PCDHA3: variants seen among roughly 807,000 people sequenced by gnomAD.
PCDHA3 encodes protocadherin alpha-3.
PCDHA3 carries 41 observed loss-of-function variants against 62.2 expected under a neutral mutation model. That is an observed-to-expected ratio of 0.66 (90% CI 0.51 to 0.86). The LOEUF (loss-of-function observed/expected upper bound fraction) is 0.86, where lower values mean the gene tolerates loss of function less well. Among genes scored for constraint, PCDHA3 ranks in the 40% least tolerant of loss-of-function variants. The pLI is 0.00. For missense variants in PCDHA3, 1,304 were observed against 1,241.2 expected (o/e 1.05, Z -0.76); for synonymous variants, 640 against 555.4 (o/e 1.15, Z -2.14).
chr5:140,948,670 A>G (rs951520840), intron 1 of PCDHA3, among the ~76,000 whole-genome samples: 1 of 151,654 alleles, frequency 6.6e-6, no homozygotes. Context: ...TAGTGATAAC[A>G]TCTTTTTCAT....
rs183311315 is a variant in PCDHA3, at chr5:140,913,513, T to C, written c.2395-65436T>C. ...AGTCTGTTTAAAACTTTGTCAATTTTATTTATCTTTTCAAAAGATTGACTT... is the reference window on the plus strand; with the variant it reads ...AGTCTGTTTAAAACTTTGTCAATTTCATTTATCTTTTCAAAAGATTGACTT... On this transcript the variant is annotated intron_variant, in intron 1 of 3. Coordinates refer to ENST00000522353, the MANE Select transcript of PCDHA3 (RefSeq NM_018906.3). Among the ~76,000 whole-genome samples, 393 of 152,272 alleles carry C rather than the reference T, an allele frequency of 2.6e-3. 2 individuals are homozygous for C. The highest frequency in any genetic ancestry group is 9.2e-3 in the African/African-American group (382 of 41,572).
At position 141,011,990 on chromosome 5, in the gene PCDHA3, T is replaced by C. The variant is rs1554263765; in HGVS notation, c.*2053T>C. On this transcript the variant is annotated 3_prime_UTR_variant, in exon 4 of 4. Transcript: ENST00000522353. ...ACTGTCTTGTCTACTTTTAGCTTCA[T>C]TCTCCCATATTTTGAAGGGTGTGTA... 1 of 153,772 alleles carries C rather than the reference T, an allele frequency of 6.5e-6. No homozygotes were observed. The highest frequency in any genetic ancestry group is 1.5e-5 in the Non-Finnish European group (1 of 68,038). 9.5% of individuals were successfully genotyped at this position (153,772 alleles called of 1,614,324 possible). A position where few individuals can be genotyped will look rare whatever the true frequency, so the allele number is the denominator to read the frequency against.
intron 1 of PCDHA3, chr5:140,809,454 C>G: frequency 1.9e-6 from 3 of 1,614,194 alleles, no homozygotes; most frequent in African/African-American, 2.7e-5. Context: ...CAGAGGAGGC[C>G]GAGGGTGTGC....
rs1013042375 is a variant in PCDHA3 at position 140,823,776 on chromosome 5, G to C, written c.2394+20185G>C. The C allele has an allele frequency of 3.1e-6, 5 of 1,613,732 alleles. No homozygotes were observed. The African/African-American group carries it at 6.7e-5, about 22-fold the overall frequency. ...CAGCCACAGCCACAGTGCTGGTGTC[G>C]CTGGTGGAAAGTGGCCAGGCGCCGA... On this transcript the variant is annotated intron_variant, in intron 1 of 3. Coordinates refer to ENST00000522353, the MANE Select transcript of PCDHA3 (RefSeq NM_018906.3).
Position 140,802,932 on chromosome 5 carries a change from G to A in PCDHA3, c.1735G>A (p.Glu579Lys), listed in dbSNP as rs1554122453. The change falls in exon 1 of 4, where the codon GAG (glutamate) becomes AAG (lysine). Residue 579 changes from glutamate to lysine, a missense_variant. By Grantham distance (56) the Glu-to-Lys change is moderately conservative. Coordinates refer to ENST00000522353, the MANE Select transcript of PCDHA3 (RefSeq NM_018906.3). The stretch of plus-strand genomic sequence containing the variant: ...GGGTGGCATCGGTGGCGCAGTGAGC[G>A]AGCTGGTGCCGCGGTCAGTGGGTGC... ...RVGGIGGAVS[E>K]LVPRSVGAGH... is the part of the protein sequence containing the mutation. 2 of 1,613,830 alleles carry A rather than the reference G, an allele frequency of 1.2e-6. No homozygotes were observed. The highest frequency in any genetic ancestry group is 1.7e-6 in the Non-Finnish European group (2 of 1,179,890).
intron 3 of PCDHA3, among the ~76,000 whole-genome samples, chr5:140,987,362 A>G (rs1490856237): frequency 6.6e-6 from 1 of 152,208 alleles, no homozygotes; most frequent in Non-Finnish European, 1.5e-5. Flanking sequence ...AGGTTGTCTT[A>G]TATCATTACA....
chr5:141,009,878 A>G lies in PCDHA3; in HGVS notation c.2794A>G (p.Asn932Asp). Residue 932 changes from asparagine to aspartate, a missense_variant, in exon 4 of 4, where the codon AAC (asparagine) becomes GAC (aspartate). Coordinates refer to ENST00000522353, the MANE Select transcript of PCDHA3 (RefSeq NM_018906.3). ...TKKKKKKKKG[N>D]KTQEKKEKGN... ...GAAAAAGAAGAAAAAGAAGAAGGGT[A>G]ACAAGACCCAGGAGAAAAAAGAGAA... is the stretch of plus-strand genomic sequence containing the variant. 4 of 1,613,898 alleles carry G rather than the reference A, an allele frequency of 2.5e-6. No homozygotes were observed. Among genetic ancestry groups the G allele is most frequent in the South Asian group, 1.1e-5 (1 of 91,050 alleles).
At chr5:140,842,168 A>G (rs2150330845) in intron 1 of PCDHA3, 2 of 1,613,900 alleles carry the variant, frequency 1.2e-6, no homozygotes, top group Non-Finnish European at 1.7e-6. Context: ...TTCTTTTAAT[A>G]GCCTTGTTGA....
intron 1 of PCDHA3, chr5:140,882,138 T>C: frequency 6.7e-7 from 1 of 1,489,248 alleles, no homozygotes; most frequent in South Asian, 1.4e-5. Context: ...CTGCAGAAAA[T>C]ATAGCAGAAA....
At position 140,918,968 on chromosome 5, in the gene PCDHA3, G is replaced by A. The variant is rs1028863089; in HGVS notation, c.2395-59981G>A. Among the ~76,000 whole-genome samples, 5 of 152,196 alleles carry A rather than the reference G, an allele frequency of 3.3e-5. 1 individual carries two copies. The highest frequency in any genetic ancestry group is 5.9e-5 in the Non-Finnish European group (4 of 68,034). On this transcript the variant is annotated intron_variant, in intron 1 of 3. Transcript: ENST00000522353. ...TCCTGAACAGACTAAGACAGATATC[G>A]TTTAGGTTAGTTGGTTTTTAGTGTT...
chr5:140,808,883 C>T, intron 1 of PCDHA3: 1 of 1,613,364 alleles, frequency 6.2e-7, no homozygotes. Flanking sequence ...GCCAGCACTG[C>T]TAGCGCCTCG....
intron 1 of PCDHA3, chr5:140,852,884 T>A (rs1486240342): frequency 6.4e-6 from 6 of 931,694 alleles, no homozygotes; most frequent in Non-Finnish European, 7.8e-6. Context: ...TCATAAAACG[T>A]ATTTTTTTTT....
At chr5:140,862,968 G>C in intron 1 of PCDHA3, 1 of 544,810 alleles carries the variant, frequency 1.8e-6, no homozygotes, top group Non-Finnish European at 3.6e-6. Context: ...GTGGATGCAG[G>C]CCACTTGGTG....
intron 1 of PCDHA3, among the ~76,000 whole-genome samples, chr5:140,820,611 C>T (rs1018838702): frequency 1.3e-5 from 2 of 151,858 alleles, no homozygotes; most frequent in African/African-American, 4.8e-5. Context: ...AGGTCGTGTT[C>T]AAATCATACC....
At chr5:140,894,068 A>G (rs2064306594) in intron 1 of PCDHA3, among the ~76,000 whole-genome samples, 1 of 152,160 alleles carries the variant, frequency 6.6e-6, no homozygotes, top group Non-Finnish European at 1.5e-5. Context: ...TTTTAAATAC[A>G]TTTATTTTAT....
intron 1 of PCDHA3, chr5:140,850,975 T>G: frequency 6.9e-7 from 1 of 1,451,728 alleles, no homozygotes; most frequent in Non-Finnish European, 9.2e-7. Flanking sequence ...GTTCAAATAG[T>G]TTTATTCATT....
chr5:140,961,638 A>G (rs1428621389), intron 1 of PCDHA3, among the ~76,000 whole-genome samples: 1 of 152,200 alleles, frequency 6.6e-6, no homozygotes, highest in Non-Finnish European at 1.5e-5. Flanking sequence ...AACAATCTTA[A>G]GTCTATGTGG....
intron 1 of PCDHA3, among the ~76,000 whole-genome samples, chr5:140,827,148 G>A (rs1339537792): frequency 6.6e-6 from 1 of 152,156 alleles, no homozygotes; most frequent in African/African-American, 2.4e-5. Flanking sequence ...AAGGGATGCA[G>A]ATATGGATTT....
chr5:140,841,405 C>T (rs2150314710), intron 1 of PCDHA3: 41 of 1,612,992 alleles, frequency 2.5e-5, no homozygotes, highest in Non-Finnish European at 3.4e-5. Flanking sequence ...AGGTGGGGAG[C>T]GGCCAGCTCC....
Sources: gnomAD v4.1 joint callset for allele counts (sites outside exome capture counted in the v4.1 genomes callset) on GRCh38, gnomAD v4.1.1 for gene constraint, MANE v1.5 for transcripts, NCBI Gene and HGNC (gene_info 2026-07-23, HGNC 2026-07-21) for gene names.